RSU1: variants seen among roughly 807,000 people sequenced by gnomAD.
RSU1 encodes the protein rsu-1.
In RSU1, 26 loss-of-function variants were observed where a neutral mutation model predicts 31.1. That is an observed-to-expected ratio of 0.84 (90% confidence interval 0.61 to 1.16). RSU1 has a LOEUF of 1.16. Among genes scored for constraint, RSU1 ranks in the 50% most tolerant of loss-of-function variants. The probability of loss-of-function intolerance (pLI) is 0.00; values close to 1 mark genes in which losing one functional copy is unlikely to be tolerated. For missense variants in RSU1, 320 were observed against 339.1 expected (o/e 0.94, Z 0.44); for synonymous variants, 164 against 136.3 (o/e 1.20, Z -1.41).
chr10:16,786,351 C>T (rs1335102148), intron 2 of RSU1, among the ~76,000 whole-genome samples: 1 of 152,154 alleles, frequency 6.6e-6, no homozygotes, highest in Non-Finnish European at 1.5e-5. Flanking sequence ...TCCAAGCTGG[C>T]TTATTAGTCC....
At chr10:16,697,237 T>C (rs1320630821) in intron 7 of RSU1, among the ~76,000 whole-genome samples, 1 of 152,176 alleles carries the variant, frequency 6.6e-6, no homozygotes, top group East Asian at 1.9e-4. Context: ...TATATCTCTC[T>C]TAAAACATTC....
intron 8 of RSU1, among the ~76,000 whole-genome samples, chr10:16,658,983 T>C (rs891032027): frequency 2.0e-5 from 3 of 152,340 alleles, no homozygotes; most frequent in East Asian, 1.9e-4. Flanking sequence ...TTTTAATTTC[T>C]AGCTCTCTAA....
chr10:16,770,703 T>G (rs1837407257), intron 3 of RSU1, among the ~76,000 whole-genome samples: 1 of 152,126 alleles, frequency 6.6e-6, no homozygotes, highest in South Asian at 2.1e-4. Context: ...AGCAAGGGGA[T>G]GAAGAGGAGG....
At chr10:16,716,025 C>G (rs1288345572) in intron 7 of RSU1, among the ~76,000 whole-genome samples, 1 of 152,160 alleles carries the variant, frequency 6.6e-6, no homozygotes. Flanking sequence ...TTTATTTACA[C>G]AGTCTTTAAA....
chr10:16,704,674 A>G (rs769335536), intron 7 of RSU1, among the ~76,000 whole-genome samples: 5 of 152,368 alleles, frequency 3.3e-5, no homozygotes, highest in Admixed American at 6.5e-5. Flanking sequence ...TGAAAGCCCT[A>G]TTACCTGCAG....
chr10:16,703,993 C>T (rs1012435744), intron 7 of RSU1, among the ~76,000 whole-genome samples: 2 of 151,852 alleles, frequency 1.3e-5, no homozygotes, highest in South Asian at 2.1e-4. Flanking sequence ...GGGTGAAGCC[C>T]TAGTGTTTGC....
intron 8 of RSU1, among the ~76,000 whole-genome samples, chr10:16,661,278 T>C (rs1283785822): frequency 7.5e-6 from 1 of 133,484 alleles, no homozygotes; most frequent in African/African-American, 3.0e-5. Context: ...GTGTGATATG[T>C]AGAGAGTGCG....
intron 3 of RSU1, among the ~76,000 whole-genome samples, chr10:16,781,173 G>A (rs879458107): frequency 6.6e-6 from 1 of 152,122 alleles, no homozygotes; most frequent in African/African-American, 2.4e-5. Flanking sequence ...AAGAAAAATG[G>A]CAAGCAAAAA....
At chr10:16,689,226 T>C (rs1835496612) in intron 8 of RSU1, among the ~76,000 whole-genome samples, 1 of 152,238 alleles carries the variant, frequency 6.6e-6, no homozygotes, top group South Asian at 2.1e-4. Context: ...TTTGTGAAGA[T>C]ATTTATAAAA....
intron 8 of RSU1, among the ~76,000 whole-genome samples, chr10:16,684,617 C>T (rs192676198): frequency 1.2e-4 from 18 of 152,208 alleles, no homozygotes; most frequent in East Asian, 3.9e-4. Flanking sequence ...ACAAACCCTT[C>T]CCTAACTGCC....
chr10:16,803,638 G>A (rs1426688327), intron 2 of RSU1, among the ~76,000 whole-genome samples: 1 of 152,106 alleles, frequency 6.6e-6, no homozygotes, highest in Non-Finnish European at 1.5e-5. Flanking sequence ...TAGACAAGTA[G>A]GTCACTGGAA....
chr10:16,694,978 T>C (rs3740173), intron 8 of RSU1, 45 bp downstream of exon 8: 583,496 of 1,532,882 alleles, frequency 0.38, 113,000 homozygotes, highest in Middle Eastern at 0.45. Context: ...TTATAAATAC[T>C]ATAAAATCAC....
chr10:16,660,960 CTTCAT>C (rs1166210567), intron 8 of RSU1, among the ~76,000 whole-genome samples: 2 of 151,962 alleles, frequency 1.3e-5, no homozygotes, highest in Non-Finnish European at 2.9e-5. Flanking sequence ...CTTACTCTCT[CTTCAT>C]TTATGTGTAA....
rs1838568850 is a variant in RSU1, at chr10:16,817,400, C to T, written c.-89G>A. ...CAGCTGCCCTCACTCCCTGCAACAC[C>T]GGCACTGAACAGCGAACACGCCCTG... On this transcript the variant is annotated 5_prime_UTR_variant, in exon 1 of 9. Transcript: ENST00000345264. 6.3e-6 allele frequency: 2 copies of T among 315,218 alleles called. No individual in the cohort carries two copies. The highest frequency in any genetic ancestry group is 1.2e-5 in the Non-Finnish European group (2 of 164,602). The allele number at this position is 315,218 out of a possible 1,614,324, so 19.5% of individuals were successfully genotyped here.
At position 16,699,285 on chromosome 10, in the gene RSU1, A is replaced by G. The variant is rs115285298; in HGVS notation, c.599-4130T>C. 6.1e-3 allele frequency among the ~76,000 whole-genome samples: 929 copies of G among 152,192 alleles called. 15 individuals are homozygous for G. Among genetic ancestry groups the G allele is most frequent in the African/African-American group, 0.021 (878 of 41,532 alleles). ...CAATACCTGTTTCTGTAGCGCTGCA[A>G]CCCTCCCAGCAAGCGATTTGTCTCT... On this transcript the variant is annotated intron_variant, in intron 7 of 8. Transcript: ENST00000345264.
At chr10:16,786,683 C>T (rs553729190) in intron 2 of RSU1, among the ~76,000 whole-genome samples, 1 of 152,278 alleles carries the variant, frequency 6.6e-6, no homozygotes, top group South Asian at 2.1e-4. Flanking sequence ...CTACCCAATT[C>T]CAATACATCT....
At chr10:16,735,674 G>A (rs1836611035) in intron 7 of RSU1, among the ~76,000 whole-genome samples, 1 of 152,114 alleles carries the variant, frequency 6.6e-6, no homozygotes, top group African/African-American at 2.4e-5. Context: ...CAGAGGGGAA[G>A]CAAACATGTC....
chr10:16,712,428 G>A (rs117197608), intron 7 of RSU1, among the ~76,000 whole-genome samples: 32 of 151,536 alleles, frequency 2.1e-4, no homozygotes, highest in South Asian at 6.3e-4. Context: ...ATTTTCCTTC[G>A]CGGTTTGGTG....
chr10:16,806,724 C>T (rs528378323), intron 2 of RSU1, among the ~76,000 whole-genome samples: 34 of 152,088 alleles, frequency 2.2e-4, no homozygotes, highest in Admixed American at 1.8e-3. Context: ...ATCTTTGACA[C>T]GCCCTAAAGA....
Sources: allele counts gnomAD v4.1 joint callset (sites outside exome capture counted in the v4.1 genomes callset), GRCh38; gene constraint gnomAD v4.1.1; transcripts MANE v1.5; gene names NCBI Gene and HGNC (gene_info 2026-07-23, HGNC 2026-07-21).